The following SNRPN variants were observed in gnomAD, a reference collection of about 807,000 sequenced individuals.
The protein encoded by SNRPN is small nuclear ribonucleoprotein polypeptide N.
Under a neutral mutation model 25.2 loss-of-function variants are expected in SNRPN, and 7 were observed. The ratio of observed to expected loss-of-function variants is 0.28; its 90% CI spans 0.16 to 0.52. The LOEUF (loss-of-function observed/expected upper bound fraction) is 0.52, where lower values mean the gene tolerates loss of function less well. Among genes scored for constraint, SNRPN ranks in the 20% least tolerant of loss-of-function variants. The pLI is 0.96. For missense variants in SNRPN, 196 were observed against 322.5 expected (o/e 0.61, Z 3.00); for synonymous variants, 124 against 110.6 (o/e 1.12, Z -0.76).
chr15:24,930,064 G>A (rs2060702668), intron 3 of SNRPN, among the ~76,000 whole-genome samples: 1 of 151,906 alleles, frequency 6.6e-6, no homozygotes, highest in Non-Finnish European at 1.5e-5. Flanking sequence ...GCAGGTGCCT[G>A]TAGTGACAGG....
intron 2 of SNRPN, among the ~76,000 whole-genome samples, chr15:24,834,175 TGGCCTCCC>T (rs2050805074): frequency 6.6e-6 from 1 of 152,120 alleles, no homozygotes; most frequent in Non-Finnish European, 1.5e-5. Flanking sequence ...CCACCTGCCT[TGGCCTCCC>T]AAAGTGCTGG....
intron 2 of SNRPN, among the ~76,000 whole-genome samples, chr15:24,897,920 A>G (rs1168769504): frequency 6.6e-6 from 1 of 152,192 alleles, no homozygotes; most frequent in Non-Finnish European, 1.5e-5. Context: ...CAGGCTGAGA[A>G]TCAACTAATA....
chr15:24,921,385 T>A (rs1181506339), intron 3 of SNRPN: 1 of 152,206 alleles, frequency 6.6e-6, no homozygotes, highest in East Asian at 1.9e-4. Context: ...AGAGTAGCCC[T>A]GGAAACATGT....
At chr15:24,943,550 G>A (rs2061691438) in intron 3 of SNRPN, among the ~76,000 whole-genome samples, 1 of 152,048 alleles carries the variant, frequency 6.6e-6, no homozygotes, top group African/African-American at 2.4e-5. Flanking sequence ...CTTTACAGCT[G>A]GGCTGGTAAG....
intron 2 of SNRPN, chr15:24,908,916 A>C: frequency 1.0e-6 from 1 of 981,194 alleles, no homozygotes. Context: ...ATCATCATAG[A>C]AAATTGTTTG....
intron 3 of SNRPN, among the ~76,000 whole-genome samples, chr15:24,933,087 C>A (rs1271141795): frequency 6.6e-6 from 1 of 151,996 alleles, no homozygotes; most frequent in Non-Finnish European, 1.5e-5. Flanking sequence ...CACAGGGAGA[C>A]CTCTTCTCTA....
chr15:24,882,840 A>G (rs2056844945), intron 1 of SNRPN, among the ~76,000 whole-genome samples: 1 of 149,646 alleles, frequency 6.7e-6, no homozygotes, highest in South Asian at 2.1e-4. Flanking sequence ...AAAAATATAT[A>G]TATATATAGT....
intron 3 of SNRPN, among the ~76,000 whole-genome samples, chr15:24,949,083 G>A (rs1169600878): frequency 7.7e-6 from 1 of 129,406 alleles, no homozygotes; most frequent in Non-Finnish European, 1.6e-5. Flanking sequence ...GTGCAGTGGC[G>A]CAATCTCGGC....
chr15:24,833,387 A>AG (rs2141834972), intron 2 of SNRPN, among the ~76,000 whole-genome samples: 1 of 152,190 alleles, frequency 6.6e-6, no homozygotes, highest in Admixed American at 6.5e-5. Context: ...TTCAGAGCCT[A>AG]GGATAATTCC....
intron 2 of SNRPN, among the ~76,000 whole-genome samples, chr15:24,887,195 T>A (rs1344151884): frequency 6.7e-6 from 1 of 149,072 alleles, no homozygotes. Flanking sequence ...TTGCCCAGAC[T>A]GGAGTGCAGT....
intron 1 of SNRPN, among the ~76,000 whole-genome samples, chr15:24,824,122 T>C (rs190918353): frequency 2.0e-5 from 3 of 152,240 alleles, no homozygotes. Flanking sequence ...AAATTTGCTA[T>C]GAAATACGAC....
At chr15:24,913,365 G>C (rs890539753) in intron 2 of SNRPN, among the ~76,000 whole-genome samples, 2 of 152,154 alleles carry the variant, frequency 1.3e-5, no homozygotes, top group Non-Finnish European at 2.9e-5. Flanking sequence ...TATAAGGGCT[G>C]GGCATAGTGG....
intron 2 of SNRPN, chr15:24,850,658 A>G (rs1253298356): frequency 6.6e-6 from 1 of 152,180 alleles, no homozygotes; most frequent in Non-Finnish European, 1.5e-5. Context: ...AAACAAGAAC[A>G]TCTTCCTTCA....
chr15:24,923,450 A>G (rs1037643856), intron 3 of SNRPN, among the ~76,000 whole-genome samples: 1 of 152,178 alleles, frequency 6.6e-6, no homozygotes, highest in Admixed American at 6.5e-5. Context: ...TGTACCTTAC[A>G]CACGCACCAT....
rs1313564491 is a variant in SNRPN at position 24,918,949 on chromosome 15, CATAAT to C, written c.-504-1058_-504-1054del. 2.1e-5 allele frequency among the ~76,000 whole-genome samples: 2 copies of C among 95,144 alleles called. 1 individual carries two copies. Among genetic ancestry groups the C allele is most frequent in the African/African-American group, 9.2e-5 (2 of 21,830 alleles). 62.4% of individuals were successfully genotyped at this position (95,144 alleles called of 152,430 possible). On this transcript the variant is annotated intron_variant, in intron 2 of 11. Transcript: ENST00000400097. ...TATATATATGCGCACATATATATAACATAATATATATGCGCGCATATATATATAAC... is the reference window on the plus strand; with the variant it reads ...TATATATATGCGCACATATATATAACATATATGCGCGCATATATATATAAC...
chr15:24,863,926 G>C (rs541826620), intron 1 of SNRPN, among the ~76,000 whole-genome samples: 5 of 149,842 alleles, frequency 3.3e-5, no homozygotes, highest in Non-Finnish European at 7.4e-5. Context: ...TTTGGATTTC[G>C]TTTGCTCTAC....
intron 2 of SNRPN, among the ~76,000 whole-genome samples, chr15:24,900,611 T>C (rs1238917305): frequency 6.6e-6 from 1 of 152,160 alleles, no homozygotes; most frequent in African/African-American, 2.4e-5. Context: ...TAGGATTGAA[T>C]AGCAACCTAT....
At chr15:24,858,307 C>G (rs1373622876) in intron 1 of SNRPN, among the ~76,000 whole-genome samples, 1 of 152,092 alleles carries the variant, frequency 6.6e-6, no homozygotes, top group Non-Finnish European at 1.5e-5. Context: ...GGGGAATGAA[C>G]AAGGGCAGCT....
intron 3 of SNRPN, chr15:24,921,397 T>A (rs956921326): frequency 5.3e-5 from 8 of 152,186 alleles, no homozygotes; most frequent in African/African-American, 1.7e-4. Flanking sequence ...GAAACATGTT[T>A]GTCTGCATTC....
Sources: gnomAD v4.1 joint callset for allele counts (sites outside exome capture counted in the v4.1 genomes callset) on GRCh38, gnomAD v4.1.1 for gene constraint, MANE v1.5 for transcripts, NCBI Gene and HGNC (gene_info 2026-07-23, HGNC 2026-07-21) for gene names.